Variants in CPED1 observed in about 807,000 individuals in gnomAD.
CPED1 encodes cadherin-like and PC-esterase domain-containing protein 1.
In CPED1, 114 loss-of-function variants were observed where a neutral mutation model predicts 128.2. The ratio of observed to expected loss-of-function variants is 0.89; its 90% confidence interval spans 0.76 to 1.04. CPED1 has a LOEUF of 1.04. Among genes scored for constraint, CPED1 ranks in the 50% least tolerant of loss-of-function variants. The pLI, the probability that CPED1 is intolerant of heterozygous loss-of-function variation, is 0.00. For synonymous variants in CPED1, 462 were observed against 426.7 expected (o/e 1.08, Z -1.02); for missense variants, 1,211 against 1,207.1 (o/e 1.00, Z -0.05).
chr7:121,047,030 C>A, intron 4 of CPED1, 37 bp downstream of exon 4: 1 of 1,300,662 alleles, frequency 7.7e-7, no homozygotes. Context: ...TTTTATCAGC[C>A]CTACAGATAT....
At chr7:121,080,933 A>G (rs1248690177) in intron 5 of CPED1, among the ~76,000 whole-genome samples, 1 of 152,172 alleles carries the variant, frequency 6.6e-6, no homozygotes, top group Non-Finnish European at 1.5e-5. Context: ...TTATTTTCAC[A>G]GAAGTCCAGG....
At chr7:121,203,579 T>A (rs1052208248) in intron 16 of CPED1, among the ~76,000 whole-genome samples, 4 of 152,070 alleles carry the variant, frequency 2.6e-5, no homozygotes, top group Admixed American at 2.6e-4. Flanking sequence ...TTAGTTAGGA[T>A]GCCAATTGCT....
At chr7:121,259,548 A>C (rs1791963743) in intron 18 of CPED1, among the ~76,000 whole-genome samples, 1 of 152,108 alleles carries the variant, frequency 6.6e-6, no homozygotes, top group South Asian at 2.1e-4. Context: ...ATTAAATGAT[A>C]TGTTCACACA....
chr7:121,203,284 G>T (rs999337656), intron 16 of CPED1, among the ~76,000 whole-genome samples: 1 of 152,022 alleles, frequency 6.6e-6, no homozygotes, highest in African/African-American at 2.4e-5. Flanking sequence ...ACTTTCCTCA[G>T]ACCTATTACC....
chr7:121,086,138 C>G lies in CPED1; in HGVS notation c.617-11561C>G, dbSNP rs1224251205. The stretch of plus-strand genomic sequence containing the variant: ...ATGTTTCTGTTTCTACATTCCTTCC[C>G]TCAGTCCCGTGTAGGTCAGCCCAGC... On this transcript the variant is annotated intron_variant, in intron 5 of 22. Coordinates refer to ENST00000310396, the MANE Select transcript of CPED1 (RefSeq NM_024913.5). Among the ~76,000 whole-genome samples the G allele has an allele frequency of 2.6e-5, 4 of 152,180 alleles. No homozygotes were observed. In the East Asian group the frequency reaches 7.7e-4, roughly 29 times the overall value.
chr7:121,184,311 A>G (rs1303026944), intron 16 of CPED1, among the ~76,000 whole-genome samples: 4 of 152,080 alleles, frequency 2.6e-5, no homozygotes, highest in Non-Finnish European at 5.9e-5. Flanking sequence ...TTGCTGAAAA[A>G]TCTGAGGGCA....
At chr7:121,216,648 A>G (rs963109320) in intron 16 of CPED1, among the ~76,000 whole-genome samples, 2 of 152,004 alleles carry the variant, frequency 1.3e-5, no homozygotes, top group Non-Finnish European at 2.9e-5. Flanking sequence ...CACCCAGTTC[A>G]GAGTCTTAAG....
chr7:121,195,855 T>C (rs192376674), intron 16 of CPED1, among the ~76,000 whole-genome samples: 14 of 152,252 alleles, frequency 9.2e-5, no homozygotes, highest in African/African-American at 3.4e-4. Flanking sequence ...GAATGTGTGT[T>C]CCTATGAGTG....
intron 5 of CPED1, among the ~76,000 whole-genome samples, 190 bp downstream of exon 5, chr7:121,064,503 G>GT (rs1212788902): frequency 6.6e-6 from 1 of 152,142 alleles, no homozygotes; most frequent in Non-Finnish European, 1.5e-5. Flanking sequence ...CAACCGTAAC[G>GT]TAACACTGGT....
intron 22 of CPED1, among the ~76,000 whole-genome samples, chr7:121,292,972 G>A (rs1015465872): frequency 2.0e-5 from 3 of 152,270 alleles, no homozygotes; most frequent in Non-Finnish European, 2.9e-5. Flanking sequence ...GCTGGAAAAT[G>A]TCTCCCAGTC....
chr7:121,087,709 G>A (rs984782040), intron 5 of CPED1, among the ~76,000 whole-genome samples: 15 of 134,778 alleles, frequency 1.1e-4, no homozygotes, highest in Non-Finnish European at 1.8e-4. Flanking sequence ...TGCCCAGGCT[G>A]GAATGCAGTG....
rs750481991 is a variant in CPED1 at position 121,015,677 on chromosome 7, A to G, written c.262A>G (p.Met88Val). The change falls in exon 3 of 23, where the codon ATG becomes GTG. Residue 88 changes from methionine (M) to valine (V), a missense_variant. By Grantham distance (21) the Met-to-Val change is conservative. Coordinates refer to ENST00000310396, the MANE Select transcript of CPED1 (RefSeq NM_024913.5). Reference sequence around the variant, plus strand: ...CTTCTTTTCTTAGGTCAAAGAATCAATGGAGACACACTTTGGCAGCCATGG... The same window carrying G: ...CTTCTTTTCTTAGGTCAAAGAATCAGTGGAGACACACTTTGGCAGCCATGG... ...AQETRKVKESMETHFGSHGRR... is the reference protein window; with the variant it reads ...AQETRKVKESVETHFGSHGRR... 2 of 1,598,884 alleles carry G rather than the reference A, an allele frequency of 1.3e-6. No individual in the cohort carries two copies. The highest frequency in any genetic ancestry group is 1.1e-5 in the South Asian group (1 of 87,844).
intron 5 of CPED1, among the ~76,000 whole-genome samples, chr7:121,072,016 A>G (rs1347492733): frequency 6.6e-6 from 1 of 152,096 alleles, no homozygotes; most frequent in Admixed American, 6.6e-5. Context: ...GGTAATCTTA[A>G]TTCTGTCACT....
intron 5 of CPED1, among the ~76,000 whole-genome samples, chr7:121,077,340 T>A (rs1347882131): frequency 5.9e-5 from 9 of 152,188 alleles, no homozygotes; most frequent in Admixed American, 5.9e-4. Context: ...GACATGCATT[T>A]TTTCATTCCT....
At chr7:121,291,523 G>A (rs1792701960) in intron 22 of CPED1, among the ~76,000 whole-genome samples, 1 of 152,142 alleles carries the variant, frequency 6.6e-6, no homozygotes, top group African/African-American at 2.4e-5. Flanking sequence ...CATATCCCTT[G>A]TAAGTTGGAT....
At chr7:121,189,787 TATATATATATAA>T (rs1314605312) in intron 16 of CPED1, among the ~76,000 whole-genome samples, 1,393 of 93,654 alleles carry the variant, frequency 0.015, 84 homozygotes, top group African/African-American at 0.044. Flanking sequence ...TATATATATA[TATATATATATAA>T]AATTTGTATT....
intron 15 of CPED1, among the ~76,000 whole-genome samples, 153 bp downstream of exon 15, chr7:121,141,166 A>C (rs1254945985): frequency 6.6e-6 from 1 of 152,070 alleles, no homozygotes; most frequent in African/African-American, 2.4e-5. Flanking sequence ...TTTTTAAAAA[A>C]GATTTGTAAC....
intron 2 of CPED1, among the ~76,000 whole-genome samples, chr7:120,999,631 G>A: frequency 6.6e-6 from 1 of 152,108 alleles, no homozygotes; most frequent in East Asian, 1.9e-4. Context: ...TTAAATACAG[G>A]AGTTTATGTA....
chr7:121,074,403 G>A (rs11977285), intron 5 of CPED1, among the ~76,000 whole-genome samples: 69,732 of 151,250 alleles, frequency 0.46, 16,323 homozygotes, highest in East Asian at 0.61. Flanking sequence ...GGACAGACCT[G>A]ATCCTAAACC....
Sources: gnomAD v4.1 joint callset for allele counts (sites outside exome capture counted in the v4.1 genomes callset) on GRCh38, gnomAD v4.1.1 for gene constraint, MANE v1.5 for transcripts, NCBI Gene and HGNC (gene_info 2026-07-23, HGNC 2026-07-21) for gene names.